PRKDC: variants seen among roughly 807,000 people sequenced by gnomAD.
The protein encoded by PRKDC is DNA-dependent protein kinase catalytic subunit.
Under a neutral mutation model 486.9 loss-of-function variants are expected in PRKDC, and 82 were observed. The observed-to-expected ratio is 0.17, with a 90% CI of 0.14 to 0.20. PRKDC has a LOEUF of 0.20. PRKDC is among the 10% of genes least tolerant of loss of function. The probability of loss-of-function intolerance (pLI) is 1.00; values close to 1 mark genes in which losing one functional copy is unlikely to be tolerated. For missense variants in PRKDC, 4,504 were observed against 5,038.2 expected, an observed-to-expected ratio of 0.89 and a Z score of 3.21; for synonymous variants, 1,895 against 1,837.0, an observed-to-expected ratio of 1.03 and a Z score of -0.81.
chr8:47,941,063 G>A (rs2090435726), intron 10 of PRKDC, among the ~76,000 whole-genome samples: 1 of 151,366 alleles, frequency 6.6e-6, no homozygotes, highest in South Asian at 2.1e-4. Flanking sequence ...GCAGGAGGCA[G>A]AGGTTGCAGT....
intron 73 of PRKDC, among the ~76,000 whole-genome samples, chr8:47,797,248 C>T (rs933586806): frequency 3.3e-5 from 5 of 152,122 alleles, no homozygotes; most frequent in Admixed American, 2.6e-4. Context: ...TACTTCATGT[C>T]CTCACAAATT....
intron 61 of PRKDC, among the ~76,000 whole-genome samples, chr8:47,828,615 G>A (rs1220661595): frequency 2.0e-5 from 3 of 152,166 alleles, no homozygotes; most frequent in Non-Finnish European, 4.4e-5. Flanking sequence ...TAATGACATA[G>A]CTTCTCTCCT....
intron 52 of PRKDC, among the ~76,000 whole-genome samples, 174 bp from the exon 53 acceptor site, chr8:47,849,677 C>T (rs1016793074): frequency 1.3e-5 from 2 of 152,160 alleles, no homozygotes; most frequent in African/African-American, 4.8e-5. Flanking sequence ...CTACACTGAC[C>T]ATCGCACACC....
chr8:47,943,770 C>T, intron 9 of PRKDC, 83 bp downstream of exon 9: 2 of 1,203,954 alleles, frequency 1.7e-6, no homozygotes, highest in Non-Finnish European at 2.3e-6. Flanking sequence ...CATTTGCTTT[C>T]ATTCAAAGTT....
rs2087100771 is a variant in PRKDC, at chr8:47,801,170, C to T, written c.9923-184G>A. Among the ~76,000 whole-genome samples the T allele has an allele frequency of 2.6e-5, 4 of 152,306 alleles. No individual in the cohort carries two copies. In the South Asian group the frequency reaches 8.3e-4, roughly 32 times the overall value. ...CACTGCAACCCCTGCCTACCAGGCT[C>T]AAGCGATCCTCCCACCTCAACCTCC... On this transcript the variant is annotated intron_variant, in intron 70 of 85. Transcript: ENST00000314191.
chr8:47,794,396 T>C lies in PRKDC; in HGVS notation c.10564A>G (p.Thr3522Ala). 1 of 1,613,884 alleles carries C rather than the reference T, an allele frequency of 6.2e-7. No homozygotes were observed. Among genetic ancestry groups the C allele is most frequent in the Non-Finnish European group, 8.5e-7 (1 of 1,179,764 alleles). The stretch of plus-strand genomic sequence containing the variant: ...ACAATAGCCTGCGGGTAGTTATCAG[T>C]GATTTCTTCCACAGAGTGCTGAACA... ...VAVQHSVEEI[T>A]DNYPQAIVYP... is the part of the protein sequence containing the mutation. Residue 3522 changes from threonine (T) to alanine (A), a missense_variant, in exon 74 of 86, where the codon ACT (threonine) becomes GCT (alanine). Transcript: ENST00000314191.
At chr8:47,900,676 C>T (rs555064239) in intron 27 of PRKDC, among the ~76,000 whole-genome samples, 106 of 151,874 alleles carry the variant, frequency 7.0e-4, no homozygotes, top group African/African-American at 2.1e-3. Context: ...AGTGAAACCC[C>T]GTCTCTACTA....
At chr8:47,863,255 T>A in intron 42 of PRKDC, 144 bp downstream of exon 42, 1 of 608,900 alleles carries the variant, frequency 1.6e-6, no homozygotes, top group East Asian at 3.3e-5. Context: ...CTAATTAAAG[T>A]TCACCTAAGT....
chr8:47,888,950 C>A (rs1423684595), intron 33 of PRKDC, 64 bp downstream of exon 33: 3 of 1,497,592 alleles, frequency 2.0e-6, no homozygotes, highest in Middle Eastern at 2.1e-4. Flanking sequence ...TGCAGGAGCA[C>A]GGCAACATAC....
intron 44 of PRKDC, 96 bp from the exon 45 acceptor site, chr8:47,861,067 AT>A: frequency 1.2e-6 from 1 of 850,950 alleles, no homozygotes; most frequent in Non-Finnish European, 1.7e-6. Flanking sequence ...AAAATTATAA[AT>A]TTTTAAACAA....
chr8:47,948,082 C>CA (rs1243598822), intron 7 of PRKDC, among the ~76,000 whole-genome samples: 3 of 147,406 alleles, frequency 2.0e-5, no homozygotes, highest in Admixed American at 1.4e-4. Context: ...GACCCTGTCT[C>CA]AAAAAAAATA....
intron 21 of PRKDC, among the ~76,000 whole-genome samples, chr8:47,926,576 T>C: frequency 6.6e-6 from 1 of 152,190 alleles, no homozygotes; most frequent in East Asian, 1.9e-4. Context: ...CAGAATCTTT[T>C]TGCTTGCATC....
intron 43 of PRKDC, 44 bp from the exon 44 acceptor site, chr8:47,862,171 A>T: frequency 6.7e-7 from 1 of 1,484,790 alleles, no homozygotes. Context: ...AATGGTGAAG[A>T]TCCTCATAAT....
chr8:47,901,465 C>T (rs1452700850), intron 27 of PRKDC, among the ~76,000 whole-genome samples: 1 of 152,086 alleles, frequency 6.6e-6, no homozygotes, highest in Non-Finnish European at 1.5e-5. Flanking sequence ...CAGAGCAAGA[C>T]TCTGTCTCCA....
chr8:47,914,733 G>A lies in PRKDC; in HGVS notation c.2617+595C>T, dbSNP rs1179124544. 4.6e-5 allele frequency among the ~76,000 whole-genome samples: 7 copies of A among 151,960 alleles called. No individual in the cohort carries two copies. In the East Asian group the frequency reaches 7.7e-4, roughly 17 times the overall value. ...GGAGAATCGCTTGAACCTGGGAGGCGGAGGTTGCAGTGAGCCAAGATTGTG... is the reference window on the plus strand; with the variant it reads ...GGAGAATCGCTTGAACCTGGGAGGCAGAGGTTGCAGTGAGCCAAGATTGTG... On this transcript the variant is annotated intron_variant, in intron 23 of 85. Transcript: ENST00000314191.
intron 54 of PRKDC, among the ~76,000 whole-genome samples, chr8:47,845,763 A>C (rs2088249347): frequency 6.6e-6 from 1 of 152,114 alleles, no homozygotes; most frequent in African/African-American, 2.4e-5. Context: ...CATACAAAGA[A>C]TTGGTACGAA....
chr8:47,778,409 C>G (rs1467756705), intron 83 of PRKDC, 50 bp downstream of exon 83: 1 of 1,567,204 alleles, frequency 6.4e-7, no homozygotes, highest in Non-Finnish European at 8.7e-7. Context: ...GTTGAAAGTC[C>G]TATGATGACT....
chr8:47,943,299 A>C lies in PRKDC; in HGVS notation c.876T>G (p.Ser292=). 2 of 1,612,554 alleles carry C rather than the reference A, an allele frequency of 1.2e-6. No individual in the cohort carries two copies. The highest frequency in any genetic ancestry group is 1.7e-6 in the Non-Finnish European group (2 of 1,179,176). ...FSTCLLDNYV[S]LFEVLLKWCA... is the part of the protein sequence containing the mutation. ...ACCACTTTAACAAGACTTCAAATAGAGACACGTAGTTGTCCAGAAGGCAGG... is the reference window on the plus strand; with the variant it reads ...ACCACTTTAACAAGACTTCAAATAGCGACACGTAGTTGTCCAGAAGGCAGG... Residue 292 remains serine, a synonymous_variant, in exon 10 of 86, where the codon TCT becomes TCG. Transcript: ENST00000314191.
At position 47,904,847 on chromosome 8, in the gene PRKDC, A is replaced by G. The variant is rs191002162; in HGVS notation, c.3042+22T>C. 246 of 1,468,232 alleles carry G rather than the reference A, an allele frequency of 1.7e-4. No individual in the cohort carries two copies. The African/African-American group carries it at 3.2e-3, about 19-fold the overall frequency. The allele number at this position is 1,468,232 out of a possible 1,614,324, so 91.0% of individuals were successfully genotyped here. On this transcript the variant is annotated intron_variant, in intron 26 of 85. Coordinates refer to ENST00000314191, the MANE Select transcript of PRKDC (RefSeq NM_006904.7). ...ACAACTAATCGATGGGAGTAAGAGG[A>G]AAAGAATCAACTATTACTTACCAAT... is the stretch of plus-strand genomic sequence containing the variant.
Sources: allele counts gnomAD v4.1 joint callset (sites outside exome capture counted in the v4.1 genomes callset), GRCh38; gene constraint gnomAD v4.1.1; transcripts MANE v1.5; gene names NCBI Gene and HGNC (gene_info 2026-07-23, HGNC 2026-07-21).